CCDC178: variants seen among roughly 807,000 people sequenced by gnomAD.
The protein encoded by CCDC178 is coiled-coil domain containing 178.
In CCDC178, 126 loss-of-function variants were observed where a neutral mutation model predicts 117.4. The observed-to-expected ratio is 1.07, with a 90% CI of 0.93 to 1.24. The LOEUF (loss-of-function observed/expected upper bound fraction) is 1.24. Ranked by LOEUF, CCDC178 falls within the 50% of genes most tolerant of loss-of-function variation. The pLI, the probability that CCDC178 is intolerant of heterozygous loss-of-function variation, is 0.00. For synonymous variants in CCDC178, 283 were observed against 313.4 expected (o/e 0.90, Z 1.02); for missense variants, 1,030 against 986.9 (o/e 1.04, Z -0.59).
rs561518244 is a variant in CCDC178 at position 32,972,259 on chromosome 18, C to T, written c.2523+2288G>A. ...TATGGCTAGCCAGTTTTCCCAGCACCATTTATTAAATAGGGAATCCTTTCC... is the reference window on the plus strand; with the variant it reads ...TATGGCTAGCCAGTTTTCCCAGCACTATTTATTAAATAGGGAATCCTTTCC... On this transcript the variant is annotated intron_variant, in intron 22 of 22. Coordinates refer to ENST00000383096, the MANE Select transcript of CCDC178 (RefSeq NM_001105528.4). 1.1e-3 allele frequency among the ~76,000 whole-genome samples: 160 copies of T among 152,190 alleles called. 1 individual carries two copies. Among genetic ancestry groups the T allele is most frequent in the Non-Finnish European group, 2.1e-3 (140 of 68,004 alleles).
chr18:33,095,773 T>A (rs947889997), intron 20 of CCDC178, among the ~76,000 whole-genome samples: 1 of 151,146 alleles, frequency 6.6e-6, no homozygotes, highest in Non-Finnish European at 1.5e-5. Context: ...GAGAGGTGTA[T>A]ATATATATAT....
chr18:33,297,216 T>C (rs1215345642), intron 11 of CCDC178, among the ~76,000 whole-genome samples: 2 of 152,064 alleles, frequency 1.3e-5, no homozygotes, highest in Non-Finnish European at 2.9e-5. Flanking sequence ...TTTATAGCAG[T>C]AAATGACTAT....
At chr18:33,077,467 A>G (rs1221480436) in intron 21 of CCDC178, among the ~76,000 whole-genome samples, 1 of 152,164 alleles carries the variant, frequency 6.6e-6, no homozygotes, top group Admixed American at 6.5e-5. Flanking sequence ...AATATGACTG[A>G]TATCTTTATC....
At chr18:33,159,386 T>A (rs946430774) in intron 20 of CCDC178, among the ~76,000 whole-genome samples, 1 of 152,108 alleles carries the variant, frequency 6.6e-6, no homozygotes, top group African/African-American at 2.4e-5. Flanking sequence ...GTGGCTCCAA[T>A]CAATACAAAT....
chr18:33,025,531 T>C (rs1367528977), intron 21 of CCDC178, among the ~76,000 whole-genome samples: 1 of 151,694 alleles, frequency 6.6e-6, no homozygotes, highest in African/African-American at 2.4e-5. Context: ...TTAAAAATGG[T>C]CAAAACTCAA....
At chr18:33,333,428 T>G (rs764306081) in intron 9 of CCDC178, 34 bp from the exon 10 acceptor site, 1 of 1,074,306 alleles carries the variant, frequency 9.3e-7, no homozygotes, top group Non-Finnish European at 1.3e-6. Flanking sequence ...AAAGAAAATC[T>G]GATTGGAGGA....
intron 11 of CCDC178, among the ~76,000 whole-genome samples, chr18:33,320,670 A>T (rs2144998451): frequency 6.6e-6 from 1 of 152,342 alleles, no homozygotes; most frequent in Admixed American, 6.5e-5. Flanking sequence ...TGCCCAAGGT[A>T]ATTGATAGAT....
chr18:33,359,490 A>G (rs1420634777), intron 6 of CCDC178, among the ~76,000 whole-genome samples: 1 of 151,682 alleles, frequency 6.6e-6, no homozygotes, highest in Non-Finnish European at 1.5e-5. Context: ...AACACAGAGA[A>G]GGCCTACAAT....
At chr18:33,054,492 G>T (rs751829132) in intron 21 of CCDC178, among the ~76,000 whole-genome samples, 2 of 152,112 alleles carry the variant, frequency 1.3e-5, no homozygotes, top group Admixed American at 6.6e-5. Flanking sequence ...TCATCATTCA[G>T]CTCCCACTTA....
intron 16 of CCDC178, 60 bp from the exon 17 acceptor site, chr18:33,224,996 C>T (rs2059285828): frequency 1.6e-6 from 2 of 1,239,012 alleles, no homozygotes; most frequent in Non-Finnish European, 2.1e-6. Context: ...TATTGAGCCT[C>T]TTATTCAGTG....
chr18:33,330,911 A>G (rs966137991), intron 10 of CCDC178, among the ~76,000 whole-genome samples: 2 of 151,994 alleles, frequency 1.3e-5, no homozygotes, highest in African/African-American at 2.4e-5. Flanking sequence ...AAAAATGTAC[A>G]TTTATTGAAA....
intron 2 of CCDC178, among the ~76,000 whole-genome samples, chr18:33,421,657 A>C (rs1190204952): frequency 1.3e-5 from 2 of 152,218 alleles, no homozygotes; most frequent in Non-Finnish European, 2.9e-5. Flanking sequence ...ATCATTTGGC[A>C]GAACATAAGG....
At chr18:33,434,918 T>A (rs2064269023) in intron 2 of CCDC178, among the ~76,000 whole-genome samples, 2 of 152,140 alleles carry the variant, frequency 1.3e-5, no homozygotes, top group African/African-American at 2.4e-5. Flanking sequence ...TTCCGCTAAT[T>A]TTCAATATTT....
intron 22 of CCDC178, among the ~76,000 whole-genome samples, chr18:32,963,490 T>C (rs1445861446): frequency 6.6e-6 from 1 of 152,080 alleles, no homozygotes; most frequent in Non-Finnish European, 1.5e-5. Flanking sequence ...TTTTTATATC[T>C]CCCTCTTCAT....
At chr18:33,283,141 C>A (rs2060046376) in intron 12 of CCDC178, among the ~76,000 whole-genome samples, 1 of 152,138 alleles carries the variant, frequency 6.6e-6, no homozygotes, top group Non-Finnish European at 1.5e-5. Flanking sequence ...GCAGGCCAAA[C>A]CTCAAGGAGC....
In CCDC178 at chr18:33,117,587, GGA is replaced by G. The variant is rs766702960; in HGVS notation, c.2239-24679_2239-24678del. On this transcript the variant is annotated intron_variant, in intron 20 of 22. Transcript: ENST00000383096. Reference sequence around the variant, plus strand: ...GCCTGTCGTGGGGTGGGGGGAGCGGGGAGAGGGATAGCATTAGGAGATATACC... The same window carrying G: ...GCCTGTCGTGGGGTGGGGGGAGCGGGGAGGGATAGCATTAGGAGATATACC... 4.6e-5 allele frequency among the ~76,000 whole-genome samples: 7 copies of G among 152,056 alleles called. No homozygotes were observed. The East Asian group carries it at 1.4e-3, about 30-fold the overall frequency.
At chr18:33,066,058 T>A (rs1253252763) in intron 21 of CCDC178, among the ~76,000 whole-genome samples, 1 of 151,970 alleles carries the variant, frequency 6.6e-6, no homozygotes, top group African/African-American at 2.4e-5. Flanking sequence ...AGATGGGGTT[T>A]TACCGTGTTG....
intron 11 of CCDC178, among the ~76,000 whole-genome samples, chr18:33,301,730 T>C (rs1320965577): frequency 2.0e-5 from 3 of 152,316 alleles, no homozygotes; most frequent in Non-Finnish European, 4.4e-5. Context: ...CCAATTTCTC[T>C]CTTTTGGAAT....
At chr18:33,007,775 C>T (rs181102384) in intron 21 of CCDC178, among the ~76,000 whole-genome samples, 2 of 152,220 alleles carry the variant, frequency 1.3e-5, no homozygotes, top group East Asian at 3.9e-4. Flanking sequence ...TTCAGGTCAA[C>T]TGATCAGCTA....
Sources: allele counts gnomAD v4.1 joint callset (sites outside exome capture counted in the v4.1 genomes callset), GRCh38; gene constraint gnomAD v4.1.1; transcripts MANE v1.5; gene names NCBI Gene and HGNC (gene_info 2026-07-23, HGNC 2026-07-21).